Variants in ATXN7 observed in about 807,000 individuals in gnomAD.
ATXN7 encodes ataxin 7, also known as ataxin-7.
A neutral mutation model predicts 70.5 loss-of-function variants in ATXN7; 12 were observed. That is an observed-to-expected ratio of 0.17 (90% CI 0.11 to 0.28). The LOEUF is 0.28. ATXN7 is among the 10% of genes least tolerant of loss of function. ATXN7 has a pLI of 1.00. For synonymous variants in ATXN7, 498 were observed against 448.7 expected (o/e 1.11, Z -1.39); for missense variants, 1,256 against 1,131.7 (o/e 1.11, Z -1.58).
rs57391192 is a variant in ATXN7, at chr3:63,884,203, GCACACACACACACACACA to G, written c.-110-14175_-110-14158del. Among the ~76,000 whole-genome samples, 16 of 143,032 alleles carry G rather than the reference GCACACACACACACACACA, an allele frequency of 1.1e-4. No individual in the cohort carries two copies. The East Asian group carries it at 2.9e-3, about 26-fold the overall frequency. 93.8% of individuals were successfully genotyped at this position (143,032 alleles called of 152,430 possible). A position where few individuals can be genotyped will look rare whatever the true frequency, so the allele number is the denominator to read the frequency against. The stretch of plus-strand genomic sequence containing the variant: ...TCCAGAAAGTAAGAAAATAACATGC[GCACACACACACACACACA>G]CACACACACACACACACACATACTC... On this transcript the variant is annotated intron_variant, in intron 1 of 12. Transcript: ENST00000674280.
chr3:63,959,442 A>G (rs1379501708), intron 5 of ATXN7, among the ~76,000 whole-genome samples: 1 of 152,226 alleles, frequency 6.6e-6, no homozygotes, highest in Non-Finnish European at 1.5e-5. Flanking sequence ...AGGAAATTCC[A>G]GGTTGGCCTT....
chr3:63,869,050 A>C (rs1575828257), intron 1 of ATXN7, among the ~76,000 whole-genome samples: 1 of 152,226 alleles, frequency 6.6e-6, no homozygotes, highest in African/African-American at 2.4e-5. Flanking sequence ...GAGATACGTA[A>C]ATAAAATACT....
chr3:63,982,873 C>T (rs1421854340), intron 7 of ATXN7, 66 bp from the exon 8 acceptor site: 7 of 1,221,106 alleles, frequency 5.7e-6, no homozygotes, highest in Non-Finnish European at 8.4e-6. Context: ...CTTCTATTTT[C>T]TTGCTTAAAA....
intron 6 of ATXN7, 182 bp downstream of exon 6, chr3:63,980,349 T>C: frequency 2.6e-6 from 2 of 770,580 alleles, no homozygotes; most frequent in Non-Finnish European, 4.1e-6. Context: ...TTCAGAGTAG[T>C]AATAGCAGTG....
At chr3:63,888,534 T>C (rs962545600) in intron 1 of ATXN7, among the ~76,000 whole-genome samples, 13 of 152,120 alleles carry the variant, frequency 8.5e-5, no homozygotes, top group Admixed American at 7.2e-4. Flanking sequence ...ATCCCAGCAC[T>C]TTGGAAGGCT....
intron 5 of ATXN7, among the ~76,000 whole-genome samples, chr3:63,972,906 C>G (rs1316823854): frequency 1.3e-5 from 2 of 152,134 alleles, no homozygotes; most frequent in Non-Finnish European, 2.9e-5. Context: ...TTTGTGAGTA[C>G]TTTTCTGTCT....
At chr3:63,919,974 AATC>A (rs2107316142) in intron 4 of ATXN7, among the ~76,000 whole-genome samples, 1 of 152,072 alleles carries the variant, frequency 6.6e-6, no homozygotes, top group South Asian at 2.1e-4. Context: ...AATTCTCCAG[AATC>A]GCTGCCCCTG....
intron 11 of ATXN7, among the ~76,000 whole-genome samples, chr3:63,995,042 C>T (rs971230848): frequency 3.3e-5 from 5 of 152,298 alleles, no homozygotes; most frequent in East Asian, 1.9e-4. Context: ...TGACTTCTCT[C>T]GACATTTATT....
intron 4 of ATXN7, among the ~76,000 whole-genome samples, chr3:63,942,451 A>T (rs1325669962): frequency 3.3e-5 from 5 of 152,160 alleles, no homozygotes; most frequent in African/African-American, 1.2e-4. Flanking sequence ...TTTTTGTTAT[A>T]CGTATCAACA....
intron 12 of ATXN7, 120 bp downstream of exon 12, chr3:63,996,603 T>A: frequency 1.4e-6 from 1 of 697,462 alleles, no homozygotes; most frequent in Non-Finnish European, 2.1e-6. Context: ...ATATTCAGCT[T>A]CATGGTGTCT....
chr3:63,952,799 T>TAA (rs2074975672), intron 5 of ATXN7, among the ~76,000 whole-genome samples: 1 of 149,104 alleles, frequency 6.7e-6, no homozygotes, highest in Non-Finnish European at 1.5e-5. Flanking sequence ...CAGTGGATTT[T>TAA]AAAATTATAT....
Position 64,000,502 on chromosome 3 carries a change from C to T in ATXN7, c.*1035C>T, listed in dbSNP as rs1191296089. 6.6e-6 allele frequency: 1 copy of T among 152,540 alleles called. No individual in the cohort carries two copies. Among genetic ancestry groups the T allele is most frequent in the Non-Finnish European group, 1.5e-5 (1 of 68,020 alleles). 9.4% of individuals were successfully genotyped at this position (152,540 alleles called of 1,614,324 possible). A position where few individuals can be genotyped will look rare whatever the true frequency, so the allele number is the denominator to read the frequency against. On this transcript the variant is annotated 3_prime_UTR_variant, in exon 13 of 13. Coordinates refer to ENST00000674280, the MANE Select transcript of ATXN7 (RefSeq NM_001377405.1). ...TTTCCAAGGCACTCTCTACATTACC[C>T]TTGTTTTTCTCTTTGGATACTGTCC...
At chr3:63,955,904 A>G (rs1169688828) in intron 5 of ATXN7, among the ~76,000 whole-genome samples, 1 of 152,232 alleles carries the variant, frequency 6.6e-6, no homozygotes, top group Non-Finnish European at 1.5e-5. Context: ...CTACCGTGGC[A>G]GCAAGTCTTG....
At chr3:63,976,906 A>T (rs1031634012) in intron 5 of ATXN7, among the ~76,000 whole-genome samples, 1 of 152,240 alleles carries the variant, frequency 6.6e-6, no homozygotes, top group Non-Finnish European at 1.5e-5. Context: ...TGGTAAAAAA[A>T]TACATAAATA....
intron 5 of ATXN7, among the ~76,000 whole-genome samples, chr3:63,970,044 G>A (rs896521803): frequency 2.6e-5 from 4 of 152,170 alleles, no homozygotes; most frequent in Non-Finnish European, 4.4e-5. Flanking sequence ...CATCATTTGG[G>A]TAACACCGTG....
At chr3:63,912,486 C>G (rs1025189354) in intron 2 of ATXN7, 102 bp from the exon 3 acceptor site, 1 of 762,538 alleles carries the variant, frequency 1.3e-6, no homozygotes, top group Non-Finnish European at 1.6e-6. Flanking sequence ...TCAGCGTGCC[C>G]CACCCGGTCC....
At chr3:63,965,574 G>C (rs1021997075) in intron 5 of ATXN7, among the ~76,000 whole-genome samples, 1 of 152,134 alleles carries the variant, frequency 6.6e-6, no homozygotes, top group Admixed American at 6.5e-5. Flanking sequence ...TGTTATTTTA[G>C]TCTGTAGTAT....
rs1320278308 is a variant in ATXN7 at position 63,863,925 on chromosome 3, C to T, written c.-344C>T. On this transcript the variant is annotated 5_prime_UTR_variant, in exon 1 of 13. Transcript: ENST00000674280. Reference sequence around the variant, plus strand: ...AGGCGGCGGCGCCCGCGGCCGCCTGCTCCGACGCCTGAGCCGCGCCGCGCC... The same window carrying T: ...AGGCGGCGGCGCCCGCGGCCGCCTGTTCCGACGCCTGAGCCGCGCCGCGCC... The T allele has an allele frequency of 3.9e-6, 3 of 773,884 alleles. No homozygotes were observed. Among genetic ancestry groups the T allele is most frequent in the African/African-American group, 3.9e-5 (2 of 51,634 alleles). 47.9% of individuals were successfully genotyped at this position (773,884 alleles called of 1,614,324 possible).
At position 63,985,158 on chromosome 3, in the gene ATXN7, T is replaced by C. The variant is rs141371698; in HGVS notation, c.1095+2137T>C. On this transcript the variant is annotated intron_variant, in intron 8 of 12. Transcript: ENST00000674280. ...TTTGGATAACTACCCAGAAGTGAGG[T>C]TGCCAAAAGTTTTTTTTCAACTCAA... Among the ~76,000 whole-genome samples, 317 of 152,322 alleles carry C rather than the reference T, an allele frequency of 2.1e-3. 4 individuals carry two copies. Among genetic ancestry groups the C allele is most frequent in the African/African-American group, 7.3e-3 (304 of 41,564 alleles).
Sources: gnomAD v4.1 joint callset for allele counts (sites outside exome capture counted in the v4.1 genomes callset) on GRCh38, gnomAD v4.1.1 for gene constraint, MANE v1.5 for transcripts, NCBI Gene and HGNC (gene_info 2026-07-23, HGNC 2026-07-21) for gene names.